CNTN4: variants seen among roughly 807,000 people sequenced by gnomAD.
CNTN4 encodes contactin 4.
In CNTN4, 77 loss-of-function variants were observed where a neutral mutation model predicts 122.5. That is an observed-to-expected ratio of 0.63 (90% CI 0.52 to 0.76). The LOEUF (loss-of-function observed/expected upper bound fraction) is 0.76, where lower values mean the gene tolerates loss of function less well. CNTN4 is among the 30% of genes least tolerant of loss of function. The probability of loss-of-function intolerance (pLI) is 0.00; values close to 1 mark genes in which losing one functional copy is unlikely to be tolerated. For synonymous variants in CNTN4, 512 were observed against 447.0 expected (o/e 1.15, Z -1.83); for missense variants, 1,256 against 1,259.1 (o/e 1.00, Z 0.04).
At chr3:2,243,806 G>T (rs992445539) in intron 2 of CNTN4, among the ~76,000 whole-genome samples, 1 of 151,976 alleles carries the variant, frequency 6.6e-6, no homozygotes, top group African/African-American at 2.4e-5. Context: ...GTTCAGACTC[G>T]CATTTGATAG....
In CNTN4 at chr3:2,167,011, T is replaced by C. The variant is rs79205836; in HGVS notation, c.-145+66372T>C. 2.6e-5 allele frequency among the ~76,000 whole-genome samples: 4 copies of C among 152,268 alleles called. No homozygotes were observed. In the East Asian group the frequency reaches 7.7e-4, roughly 29 times the overall value. On this transcript the variant is annotated intron_variant, in intron 2 of 24. Transcript: ENST00000418658. Reference sequence around the variant, plus strand: ...TTTGATAGTAGTAATCATTTCACTATGTATATGTATATCAAAATATTATGT... The same window carrying C: ...TTTGATAGTAGTAATCATTTCACTACGTATATGTATATCAAAATATTATGT...
chr3:2,605,711 G>A (rs2081228556), intron 4 of CNTN4, among the ~76,000 whole-genome samples: 1 of 152,118 alleles, frequency 6.6e-6, no homozygotes, highest in Non-Finnish European at 1.5e-5. Context: ...AGAGATATGA[G>A]TTTACCACAG....
chr3:2,169,775 T>C (rs2036387035), intron 2 of CNTN4, among the ~76,000 whole-genome samples: 1 of 152,138 alleles, frequency 6.6e-6, no homozygotes, highest in South Asian at 2.1e-4. Flanking sequence ...TAAAACTGTT[T>C]CTGTTTTAAG....
Position 2,866,807 on chromosome 3 carries a change from C to T in CNTN4, c.510C>T (p.Arg170=). The T allele has an allele frequency of 6.2e-7, 1 of 1,613,996 alleles. No individual in the cohort carries two copies. The highest frequency in any genetic ancestry group is 8.5e-7 in the Non-Finnish European group (1 of 1,179,922). ...NEYPSYQDNR[R]FVSQETGNLY... ...ACCCTTCCTATCAGGATAATCGCCG[C>T]TTTGTTTCTCAAGAGACTGGGAATC... Residue 170 remains arginine, a synonymous_variant, in exon 8 of 25, where the codon CGC becomes CGT. Transcript: ENST00000418658.
At chr3:2,321,561 G>C (rs1224116787) in intron 2 of CNTN4, among the ~76,000 whole-genome samples, 1 of 150,806 alleles carries the variant, frequency 6.6e-6, no homozygotes, top group Non-Finnish European at 1.5e-5. Flanking sequence ...CAATCACTTG[G>C]GTTTTCAGTA....
chr3:3,040,149 G>A lies in CNTN4; in HGVS notation c.2276G>A (p.Arg759Lys), dbSNP rs1454984994. 6.2e-7 allele frequency: 1 copy of A among 1,614,150 alleles called. No individual in the cohort carries two copies. The highest frequency in any genetic ancestry group is 1.3e-5 in the African/African-American group (1 of 75,062). The change falls in exon 20 of 25, where the codon AGA becomes AAA. Residue 759 changes from arginine (R) to lysine (K), a missense_variant. Arg to Lys is a conservative substitution (Grantham distance 26). Transcript: ENST00000418658. ...LTVLASADAS[R>K]YVFRNESVHP... ...GTGCTGGCCTCAGCTGATGCCTCTA[G>A]ATACGTGTTCAGGAATGAGAGCGTG...
intron 18 of CNTN4, chr3:3,037,737 T>A (rs544068828): frequency 1.9e-4 from 51 of 270,634 alleles, no homozygotes; most frequent in South Asian, 1.4e-3. Flanking sequence ...GGTAATCCTG[T>A]TTAGAATAGA....
chr3:2,527,488 G>A (rs2077440561), intron 3 of CNTN4, among the ~76,000 whole-genome samples: 2 of 152,220 alleles, frequency 1.3e-5, no homozygotes, highest in Admixed American at 6.5e-5. Context: ...AGGTGGCTGT[G>A]GAGAAACGTC....
Position 2,949,313 on chromosome 3 carries a change from G to C in CNTN4, c.1358+23534G>C, listed in dbSNP as rs540415147. 2.0e-5 allele frequency among the ~76,000 whole-genome samples: 3 copies of C among 152,278 alleles called. No homozygotes were observed. The South Asian group carries it at 6.2e-4, about 32-fold the overall frequency. ...CCAAAACGAGTGTGATGGAAAGTTA[G>C]CTGAATTCCTACTGGATTCATAGAT... is the stretch of plus-strand genomic sequence containing the variant. On this transcript the variant is annotated intron_variant, in intron 13 of 24. Coordinates refer to ENST00000418658, the MANE Select transcript of CNTN4 (RefSeq NM_175607.3).
At chr3:2,715,369 T>G (rs973269975) in intron 4 of CNTN4, among the ~76,000 whole-genome samples, 5 of 152,232 alleles carry the variant, frequency 3.3e-5, no homozygotes, top group African/African-American at 1.2e-4. Context: ...AGCATCATTA[T>G]AATGTGAGGC....
intron 7 of CNTN4, among the ~76,000 whole-genome samples, chr3:2,859,428 G>C (rs2093650299): frequency 1.3e-5 from 2 of 152,144 alleles, no homozygotes; most frequent in African/African-American, 4.8e-5. Context: ...TCATAATATA[G>C]GGAAACTATA....
At chr3:2,548,706 T>C (rs2078351807) in intron 3 of CNTN4, among the ~76,000 whole-genome samples, 1 of 152,196 alleles carries the variant, frequency 6.6e-6, no homozygotes, top group Non-Finnish European at 1.5e-5. Flanking sequence ...TTTCTAATTT[T>C]GTGAAGAAAG....
chr3:2,764,923 G>A lies in CNTN4; in HGVS notation c.358+19226G>A, dbSNP rs2090775377. Among the ~76,000 whole-genome samples, 3 of 152,172 alleles carry A rather than the reference G, an allele frequency of 2.0e-5. No homozygotes were observed. In the South Asian group the frequency reaches 6.2e-4, roughly 32 times the overall value. On this transcript the variant is annotated intron_variant, in intron 6 of 24. Coordinates refer to ENST00000418658, the MANE Select transcript of CNTN4 (RefSeq NM_175607.3). ...AACTTGCCAAACTTCACACAGCTGG[G>A]AAGTTGAAGGGCTAGGGTATGATTC...
intron 3 of CNTN4, among the ~76,000 whole-genome samples, chr3:2,485,148 G>A (rs1301042228): frequency 4.6e-5 from 7 of 152,216 alleles, no homozygotes; most frequent in Non-Finnish European, 1.0e-4. Context: ...CTCCCCGTGG[G>A]GCAGGGCTTG....
chr3:2,500,316 T>G (rs1403390836), intron 3 of CNTN4, among the ~76,000 whole-genome samples: 1 of 152,130 alleles, frequency 6.6e-6, no homozygotes, highest in Non-Finnish European at 1.5e-5. Context: ...TTATAAGTGT[T>G]CTTTTTGTTG....
chr3:2,432,576 C>T (rs749171634), intron 3 of CNTN4, among the ~76,000 whole-genome samples: 1 of 151,602 alleles, frequency 6.6e-6, no homozygotes, highest in East Asian at 1.9e-4. Context: ...TAGTATTCCA[C>T]CCTGTGTGTG....
chr3:2,949,588 TG>T (rs1014298919), intron 13 of CNTN4, among the ~76,000 whole-genome samples: 5 of 152,274 alleles, frequency 3.3e-5, no homozygotes, highest in African/African-American at 1.2e-4. Flanking sequence ...AATTTTCCTA[TG>T]GGCAGGACAC....
chr3:2,832,881 G>A (rs1248973765), intron 7 of CNTN4, among the ~76,000 whole-genome samples: 1 of 152,180 alleles, frequency 6.6e-6, no homozygotes, highest in Non-Finnish European at 1.5e-5. Context: ...GTGAAACCAA[G>A]GCTGGGATAG....
intron 12 of CNTN4, among the ~76,000 whole-genome samples, chr3:2,920,741 A>G (rs2094420640): frequency 6.6e-6 from 1 of 152,154 alleles, no homozygotes; most frequent in Non-Finnish European, 1.5e-5. Context: ...TAAGTACTTT[A>G]TGTTCAATAC....
Sources: gnomAD v4.1 joint callset for allele counts (sites outside exome capture counted in the v4.1 genomes callset) on GRCh38, gnomAD v4.1.1 for gene constraint, MANE v1.5 for transcripts, NCBI Gene and HGNC (gene_info 2026-07-23, HGNC 2026-07-21) for gene names.